The following MYO6 variants were observed in gnomAD, a reference collection of about 807,000 sequenced individuals.
The protein encoded by MYO6 is myosin VI.
In MYO6, 74 loss-of-function variants were observed where a neutral mutation model predicts 178.7. The observed-to-expected ratio is 0.41, with a 90% confidence interval of 0.34 to 0.50. MYO6 has a LOEUF of 0.50. MYO6 is among the 20% of genes least tolerant of loss of function. MYO6 has a pLI of 0.09. For synonymous variants in MYO6, 477 were observed against 504.6 expected (o/e 0.95, Z 0.73); for missense variants, 1,330 against 1,547.4 (o/e 0.86, Z 2.36).
chr6:75,791,639 T>G (rs1271434090), intron 1 of MYO6, among the ~76,000 whole-genome samples: 1 of 152,242 alleles, frequency 6.6e-6, no homozygotes. Context: ...TTTCAACTGA[T>G]GTTAAGAATG....
At chr6:75,845,069 G>C in intron 10 of MYO6, 92 bp downstream of exon 10, 1 of 1,031,658 alleles carries the variant, frequency 9.7e-7, no homozygotes, top group African/African-American at 1.6e-5. Context: ...GCCCAAGTAA[G>C]AGTTCTAACT....
At chr6:75,814,042 C>T (rs1200539923) in intron 1 of MYO6, among the ~76,000 whole-genome samples, 2 of 152,308 alleles carry the variant, frequency 1.3e-5, no homozygotes, top group East Asian at 1.9e-4. Context: ...TCCCCAAACC[C>T]GGTGGCTCTG....
chr6:75,788,875 A>G (rs1199020592), intron 1 of MYO6, among the ~76,000 whole-genome samples: 1 of 152,232 alleles, frequency 6.6e-6, no homozygotes, highest in Non-Finnish European at 1.5e-5. Context: ...AAGGGAATTA[A>G]GGAATTAAGG....
chr6:75,888,149 G>A (rs1778610069), intron 25 of MYO6, among the ~76,000 whole-genome samples: 1 of 151,842 alleles, frequency 6.6e-6, no homozygotes, highest in South Asian at 2.1e-4. Flanking sequence ...AGTTAGCCAG[G>A]TGTGATCGCA....
chr6:75,858,966 A>G lies in MYO6; in HGVS notation c.1446A>G (p.Gln482=), dbSNP rs1218553130. ...ACTATTGCAATGAAAAACTTCAACAATTTTTTAATGAAAGGATTCTGAAGG... is the reference window on the plus strand; with the variant it reads ...ACTATTGCAATGAAAAACTTCAACAGTTTTTTAATGAAAGGATTCTGAAGG... The part of the protein sequence containing the change: ...CINYCNEKLQ[Q]FFNERILKEE... Residue 482 remains glutamine (Q), a synonymous_variant, in exon 14 of 35, where the codon CAA becomes CAG. Coordinates refer to ENST00000369977, the MANE Select transcript of MYO6 (RefSeq NM_004999.4). 2.5e-6 allele frequency: 4 copies of G among 1,607,206 alleles called. No individual in the cohort carries two copies. The African/African-American group carries it at 4.0e-5, about 16-fold the overall frequency.
chr6:75,787,730 C>CTATATATATATATA (rs1172801367), intron 1 of MYO6, among the ~76,000 whole-genome samples: 2 of 11,658 alleles, frequency 1.7e-4, no homozygotes, highest in Admixed American at 1.5e-3. Context: ...CTCTCTCTCT[C>CTATATATATATATA]TATATATATA....
At chr6:75,804,557 T>A (rs1241260739) in intron 1 of MYO6, among the ~76,000 whole-genome samples, 2 of 151,170 alleles carry the variant, frequency 1.3e-5, no homozygotes, top group African/African-American at 4.9e-5. Flanking sequence ...ATTTTGCCAA[T>A]TCTGTTTACT....
chr6:75,901,088 T>C (rs938591228), intron 30 of MYO6, among the ~76,000 whole-genome samples: 16 of 152,210 alleles, frequency 1.1e-4, no homozygotes, highest in Non-Finnish European at 2.2e-4. Context: ...GTTGCATTGA[T>C]CTATATCTCT....
At chr6:75,815,577 C>T (rs777182856) in intron 1 of MYO6, among the ~76,000 whole-genome samples, 4 of 152,204 alleles carry the variant, frequency 2.6e-5, no homozygotes, top group African/African-American at 4.8e-5. Context: ...TGATTCACTT[C>T]TATGAAGACT....
chr6:75,875,300 G>T (rs912911501), intron 20 of MYO6, among the ~76,000 whole-genome samples: 5 of 152,096 alleles, frequency 3.3e-5, no homozygotes, highest in African/African-American at 1.2e-4. Flanking sequence ...GGGAGGGGCA[G>T]GGTTTATTCT....
chr6:75,873,612 A>G (rs1777330483), intron 20 of MYO6, among the ~76,000 whole-genome samples: 2 of 152,196 alleles, frequency 1.3e-5, no homozygotes, highest in Admixed American at 1.3e-4. Flanking sequence ...AAATTATTTG[A>G]GCAATATTGA....
chr6:75,798,776 A>G (rs1769120041), intron 1 of MYO6, among the ~76,000 whole-genome samples: 2 of 152,240 alleles, frequency 1.3e-5, no homozygotes, highest in Admixed American at 6.5e-5. Flanking sequence ...AGGCAAGAGA[A>G]TAAATAAAAG....
chr6:75,811,498 G>C (rs1770697411), intron 1 of MYO6, among the ~76,000 whole-genome samples: 2 of 152,204 alleles, frequency 1.3e-5, no homozygotes, highest in South Asian at 4.1e-4. Flanking sequence ...AATGTTAGCT[G>C]TGTGTGTGCC....
intron 22 of MYO6, among the ~76,000 whole-genome samples, chr6:75,881,017 T>A (rs528401507): frequency 6.6e-6 from 1 of 152,282 alleles, no homozygotes; most frequent in East Asian, 1.9e-4. Flanking sequence ...TTTGGGAGGC[T>A]GAAGCAGTGG....
At chr6:75,825,872 T>G (rs1772417787) in intron 3 of MYO6, among the ~76,000 whole-genome samples, 1 of 152,180 alleles carries the variant, frequency 6.6e-6, no homozygotes, top group Admixed American at 6.5e-5. Context: ...ATTTATTTAT[T>G]AAAACAGTGT....
chr6:75,832,807 T>G lies in MYO6; in HGVS notation c.392-35T>G, dbSNP rs1156518117. ...TCTATTATTAACTTTATATTTAATA[T>G]ATTGCTCATCATTAATGTCTTATTT... On this transcript the variant is annotated intron_variant, in intron 5 of 34. Transcript: ENST00000369977. 11 of 1,250,076 alleles carry G rather than the reference T, an allele frequency of 8.8e-6. No individual in the cohort carries two copies. In the East Asian group the frequency reaches 1.9e-4, roughly 21 times the overall value. 77.4% of individuals were successfully genotyped at this position (1,250,076 alleles called of 1,614,324 possible). A position where few individuals can be genotyped will look rare whatever the true frequency, so the allele number is the denominator to read the frequency against.
rs1364926872 is a variant in MYO6, at chr6:75,804,907, T to C, written c.-47-12594T>C. On this transcript the variant is annotated intron_variant, in intron 1 of 34. Transcript: ENST00000369977. ...ACACACACACATATATATACATATATACACACATATATAATATATACACAT... is the reference window on the plus strand; with the variant it reads ...ACACACACACATATATATACATATACACACACATATATAATATATACACAT... 2.0e-5 allele frequency among the ~76,000 whole-genome samples: 3 copies of C among 147,072 alleles called. No individual in the cohort carries two copies. In the Admixed American group the frequency reaches 2.1e-4, roughly 10 times the overall value.
At chr6:75,856,585 CA>C (rs1406935629) in intron 12 of MYO6, among the ~76,000 whole-genome samples, 3 of 151,358 alleles carry the variant, frequency 2.0e-5, no homozygotes, top group Non-Finnish European at 4.4e-5. Context: ...CTCTCTTCAT[CA>C]GACTATCATT....
In MYO6 at chr6:75,804,867, C is replaced by A. The variant is rs183365178; in HGVS notation, c.-47-12634C>A. 2.2e-5 allele frequency among the ~76,000 whole-genome samples: 3 copies of A among 136,218 alleles called. No individual in the cohort carries two copies. In the South Asian group the frequency reaches 6.9e-4, roughly 31 times the overall value. The allele number at this position is 136,218 out of a possible 152,430, so 89.4% of individuals were successfully genotyped here. A position where few individuals can be genotyped will look rare whatever the true frequency, so the allele number is the denominator to read the frequency against. ...TAACATATATATACACATATATATG[C>A]GCATATATATATACACACACACACA... On this transcript the variant is annotated intron_variant, in intron 1 of 34. Transcript: ENST00000369977.
Sources: gnomAD v4.1 joint callset for allele counts (sites outside exome capture counted in the v4.1 genomes callset) on GRCh38, gnomAD v4.1.1 for gene constraint, MANE v1.5 for transcripts, NCBI Gene and HGNC (gene_info 2026-07-23, HGNC 2026-07-21) for gene names.